The following KIF21A variants were observed in gnomAD, a reference collection of about 807,000 sequenced individuals.
KIF21A encodes kinesin family member 21A.
KIF21A carries 114 observed loss-of-function variants against 202.9 expected under a neutral mutation model. That is an observed-to-expected ratio of 0.56 (90% CI 0.48 to 0.66). The LOEUF (loss-of-function observed/expected upper bound fraction) is 0.66. KIF21A is among the 30% of genes least tolerant of loss of function. The probability of loss-of-function intolerance (pLI) is 0.00; values close to 1 mark genes in which losing one functional copy is unlikely to be tolerated. For synonymous variants in KIF21A, 667 were observed against 670.8 expected, an observed-to-expected ratio of 0.99 and a Z score of 0.09; for missense variants, 1,677 against 1,994.9, an observed-to-expected ratio of 0.84 and a Z score of 3.04.
At position 39,417,313 on chromosome 12, in the gene KIF21A, G is replaced by A. The variant is rs1592655766; in HGVS notation, c.44+25614C>T. 3.3e-5 allele frequency among the ~76,000 whole-genome samples: 5 copies of A among 152,086 alleles called. No homozygotes were observed. The South Asian group carries it at 1.0e-3, about 31-fold the overall frequency. On this transcript the variant is annotated intron_variant, in intron 1 of 37. Coordinates refer to ENST00000361418, the MANE Select transcript of KIF21A (RefSeq NM_001173464.2). ...CAACATCTAATAATGCCAGAATCAC[G>A]TGAGGAGAACAGAAAATTCTCCAGT...
At chr12:39,414,118 T>C (rs1049433953) in intron 1 of KIF21A, among the ~76,000 whole-genome samples, 14 of 152,232 alleles carry the variant, frequency 9.2e-5, no homozygotes, top group Admixed American at 9.2e-4. Context: ...TCTTTTCCTT[T>C]ATATATTAGC....
At chr12:39,438,474 ATTGC>A (rs1939124749) in intron 1 of KIF21A, among the ~76,000 whole-genome samples, 2 of 152,302 alleles carry the variant, frequency 1.3e-5, no homozygotes, top group South Asian at 4.1e-4. Context: ...GTGAGCTCAC[ATTGC>A]AAATAAGTGC....
intron 1 of KIF21A, among the ~76,000 whole-genome samples, chr12:39,389,806 T>C (rs1242461140): frequency 1.3e-5 from 2 of 152,168 alleles, no homozygotes; most frequent in Non-Finnish European, 2.9e-5. Context: ...AAATGTTAAT[T>C]CACAGTAGTT....
At chr12:39,331,533 CT>C (rs1235166850) in intron 22 of KIF21A, among the ~76,000 whole-genome samples, 156 bp downstream of exon 22, 1 of 152,210 alleles carries the variant, frequency 6.6e-6, no homozygotes, top group Non-Finnish European at 1.5e-5. Flanking sequence ...ATATTTCTTA[CT>C]CTTCCTGACT....
At chr12:39,368,147 A>C (rs1209179517) in intron 3 of KIF21A, 115 bp from the exon 4 acceptor site, 1 of 681,118 alleles carries the variant, frequency 1.5e-6, no homozygotes, top group Non-Finnish European at 2.5e-6. Context: ...TCAAAATGAC[A>C]TATTTTTTCA....
intron 1 of KIF21A, among the ~76,000 whole-genome samples, chr12:39,382,984 T>C (rs1367070798): frequency 6.6e-6 from 1 of 152,212 alleles, no homozygotes; most frequent in Admixed American, 6.5e-5. Flanking sequence ...GCATTTCTCA[T>C]ACAATTCTGA....
At chr12:39,357,905 T>C (rs1948903557) in intron 8 of KIF21A, among the ~76,000 whole-genome samples, 1 of 33,616 alleles carries the variant, frequency 3.0e-5, no homozygotes, top group Non-Finnish European at 5.4e-5. Context: ...GGAGACTCCA[T>C]CTCAAAAAAA....
chr12:39,396,346 T>A (rs1951759628), intron 1 of KIF21A, among the ~76,000 whole-genome samples: 1 of 152,202 alleles, frequency 6.6e-6, no homozygotes. Context: ...AAATCTGGAT[T>A]CAGTTACACC....
chr12:39,342,129 A>G lies in KIF21A; in HGVS notation c.1713-5T>C, dbSNP rs763624083. Reference sequence around the variant, plus strand: ...TTATCCTCTTTACCAGCCACACTAAAAAAAGGAACATAAGGGTATGGTGTT... The same window carrying G: ...TTATCCTCTTTACCAGCCACACTAAGAAAAGGAACATAAGGGTATGGTGTT... On this transcript the variant is annotated splice_polypyrimidine_tract_variant and splice_region_variant and intron_variant, in intron 12 of 37. Transcript: ENST00000361418. 1 of 1,582,488 alleles carries G rather than the reference A, an allele frequency of 6.3e-7. No individual in the cohort carries two copies. Among genetic ancestry groups the G allele is most frequent in the Admixed American group, 1.7e-5 (1 of 59,858 alleles).
chr12:39,441,304 G>A (rs1939542865), intron 1 of KIF21A, among the ~76,000 whole-genome samples: 1 of 152,086 alleles, frequency 6.6e-6, no homozygotes, highest in Admixed American at 6.5e-5. Context: ...TCAACAAACT[G>A]CCTTGTGATA....
intron 1 of KIF21A, among the ~76,000 whole-genome samples, chr12:39,371,781 T>G (rs760558674): frequency 6.6e-6 from 1 of 151,694 alleles, no homozygotes; most frequent in Non-Finnish European, 1.5e-5. Flanking sequence ...AATAGAAAAA[T>G]TAGCCCAACA....
In KIF21A at chr12:39,367,862, T is replaced by G. The variant is rs1199298949; in HGVS notation, c.600+21A>C. ...AAATAAAGCCAACTATGCTCTGTTT[T>G]AACTATAATATAAATATTACCTCTG... On this transcript the variant is annotated intron_variant, in intron 4 of 37. Coordinates refer to ENST00000361418, the MANE Select transcript of KIF21A (RefSeq NM_001173464.2). 9 of 1,594,670 alleles carry G rather than the reference T, an allele frequency of 5.6e-6. No homozygotes were observed. In the East Asian group the frequency reaches 2.0e-4, roughly 36 times the overall value.
intron 12 of KIF21A, among the ~76,000 whole-genome samples, chr12:39,342,485 C>G (rs150825188): frequency 6.6e-4 from 100 of 152,238 alleles, no homozygotes; most frequent in African/African-American, 2.2e-3. Flanking sequence ...GTTTTCTCAT[C>G]TGAATACAAA....
Position 39,370,202 on chromosome 12 carries a change from G to A in KIF21A, c.104C>T (p.Thr35Ile). ...IEGCHICTSVTPGEPQVFLGK... is the reference protein window; with the variant it reads ...IEGCHICTSVIPGEPQVFLGK... ...TAGGAAGACCTGAGGCTCTCCTGGT[G>A]TGACAGATGTACAAATATGGCATCC... Residue 35 changes from threonine to isoleucine, a missense_variant, in exon 2 of 38, where the codon ACA (threonine) becomes ATA (isoleucine). Around this residue, in one of 3 missense-constraint regions of KIF21A, gnomAD observed 966 missense variants for 1,180.9 expected, o/e 0.82. Coordinates refer to ENST00000361418, the MANE Select transcript of KIF21A (RefSeq NM_001173464.2). 1 of 1,613,696 alleles carries A rather than the reference G, an allele frequency of 6.2e-7. No homozygotes were observed. The highest frequency in any genetic ancestry group is 8.5e-7 in the Non-Finnish European group (1 of 1,179,756).
chr12:39,369,627 C>T (rs1317530814), intron 3 of KIF21A, 102 bp downstream of exon 3: 11 of 829,588 alleles, frequency 1.3e-5, no homozygotes, highest in Non-Finnish European at 1.8e-5. Context: ...TTATTGAGTA[C>T]TATCTTCAAA....
intron 27 of KIF21A, among the ~76,000 whole-genome samples, chr12:39,321,121 A>G (rs1234155797): frequency 6.6e-6 from 1 of 152,176 alleles, no homozygotes; most frequent in Non-Finnish European, 1.5e-5. Context: ...CATTTAAATT[A>G]TAAGCATCAC....
intron 1 of KIF21A, among the ~76,000 whole-genome samples, chr12:39,418,294 A>G (rs1953951537): frequency 6.6e-6 from 1 of 152,162 alleles, no homozygotes; most frequent in South Asian, 2.1e-4. Context: ...GGTGATTAGT[A>G]ACAGTTTTGA....
chr12:39,332,709 A>G lies in KIF21A; in HGVS notation c.2738T>C (p.Val913Ala). 2 of 1,614,036 alleles carry G rather than the reference A, an allele frequency of 1.2e-6. No individual in the cohort carries two copies. The highest frequency in any genetic ancestry group is 1.3e-5 in the African/African-American group (1 of 74,976). The change falls in exon 20 of 38, where the codon GTG (valine) becomes GCG (alanine). Residue 913 changes from valine to alanine, a missense_variant. By Grantham distance (64) the Val-to-Ala change is moderately conservative. Coordinates refer to ENST00000361418, the MANE Select transcript of KIF21A (RefSeq NM_001173464.2). ...CATGCGAGCTGTCTTGGAAATAAAC[A>G]CTCGGCCAGTCAATCCTTTCCTCTG... Reference protein sequence around the residue: ...KYQRKGLTGRVFISKTARMKW... With the variant: ...KYQRKGLTGRAFISKTARMKW...
chr12:39,364,780 A>G (rs989215022), intron 6 of KIF21A, among the ~76,000 whole-genome samples: 3 of 152,310 alleles, frequency 2.0e-5, no homozygotes, highest in Admixed American at 6.5e-5. Flanking sequence ...TAACTAAAGG[A>G]GGAATTTATA....
Sources: allele counts gnomAD v4.1 joint callset (sites outside exome capture counted in the v4.1 genomes callset), GRCh38; gene constraint gnomAD v4.1.1; regional missense constraint gnomAD v4.1.1; transcripts MANE v1.5; gene names NCBI Gene and HGNC (gene_info 2026-07-23, HGNC 2026-07-21).